The following ACAD11 variants were observed in gnomAD, a reference collection of about 807,000 sequenced individuals.
ACAD11 encodes the protein acyl-Coenzyme A dehydrogenase family, member 11.
Under a neutral mutation model 102.2 loss-of-function variants are expected in ACAD11, and 83 were observed. The ratio of observed to expected loss-of-function variants is 0.81; its 90% CI spans 0.68 to 0.97. The LOEUF (loss-of-function observed/expected upper bound fraction) is 0.97. ACAD11 is among the 50% of genes least tolerant of loss of function. The pLI is 0.00. For synonymous variants in ACAD11, 324 were observed against 319.8 expected, an observed-to-expected ratio of 1.01 and a Z score of -0.14; for missense variants, 901 against 951.7, an observed-to-expected ratio of 0.95 and a Z score of 0.70.
At chr3:132,633,728 A>C (rs1030014981) in intron 5 of ACAD11, among the ~76,000 whole-genome samples, 2 of 152,184 alleles carry the variant, frequency 1.3e-5, no homozygotes, top group African/African-American at 4.8e-5. Context: ...AATGGAACAG[A>C]ACAGAGCCCT....
intron 4 of ACAD11, among the ~76,000 whole-genome samples, chr3:132,641,095 C>T (rs964651285): frequency 2.0e-5 from 3 of 152,084 alleles, no homozygotes; most frequent in African/African-American, 7.2e-5. Context: ...TTTCAGGTTT[C>T]GTGAATGACA....
intron 17 of ACAD11, among the ~76,000 whole-genome samples, chr3:132,571,088 T>C (rs1441441572): frequency 6.6e-6 from 1 of 152,200 alleles, no homozygotes; most frequent in Admixed American, 6.5e-5. Context: ...ATCCTCACAC[T>C]GTTTTCCACA....
chr3:132,582,439 G>A (rs1010252120), intron 13 of ACAD11, among the ~76,000 whole-genome samples: 1 of 151,808 alleles, frequency 6.6e-6, no homozygotes, highest in African/African-American at 2.4e-5. Context: ...ACTTCTAACT[G>A]GGTAATAATG....
intron 12 of ACAD11, among the ~76,000 whole-genome samples, chr3:132,603,706 A>G (rs765499824): frequency 6.6e-6 from 1 of 152,238 alleles, no homozygotes; most frequent in Non-Finnish European, 1.5e-5. Context: ...CCCCCCATAT[A>G]GTTTACTGTC....
Position 132,639,554 on chromosome 3 carries a change from T to C in ACAD11, c.640A>G (p.Asn214Asp). 1 of 1,614,042 alleles carries C rather than the reference T, an allele frequency of 6.2e-7. No individual in the cohort carries two copies. Among genetic ancestry groups the C allele is most frequent in the Non-Finnish European group, 8.5e-7 (1 of 1,179,970 alleles). Reference protein sequence around the residue: ...WLMKNLPDNDNEENLIHGDFR... With the variant: ...WLMKNLPDNDDEENLIHGDFR... ...TCTCCATGAATCAAATTCTCTTCAT[T>C]GTCATTATCGGGCAAGTTCTTCATT... Residue 214 changes from asparagine to aspartate, a missense_variant, in exon 5 of 20, where the codon AAT becomes GAT. Transcript: ENST00000264990.
Position 132,642,736 on chromosome 3 carries a change from G to C in ACAD11, c.316C>G (p.Leu106Val), listed in dbSNP as rs762680473. The C allele has an allele frequency of 6.8e-6, 11 of 1,613,364 alleles. No individual in the cohort carries two copies. Among genetic ancestry groups the C allele is most frequent in the African/African-American group, 5.3e-5 (4 of 74,912 alleles). The change falls in exon 3 of 20, where the codon CTG (leucine) becomes GTG (valine). Residue 106 changes from leucine to valine, a missense_variant. Leu to Val is a conservative substitution (Grantham distance 32). Coordinates refer to ENST00000264990, the MANE Select transcript of ACAD11 (RefSeq NM_032169.5). ...SIGFPVPKPILYCSDTSVIGT... is the reference protein window; with the variant it reads ...SIGFPVPKPIVYCSDTSVIGT... ...ATGACAGAAGTATCACTGCAGTACA[G>C]TATAGGCTTGGGAACGGGGAATCCA...
chr3:132,647,829 C>A (rs1250581119), intron 1 of ACAD11, among the ~76,000 whole-genome samples: 2 of 152,054 alleles, frequency 1.3e-5, no homozygotes, highest in Non-Finnish European at 2.9e-5. Context: ...TTTTTGGGGC[C>A]TGGGAAGTCA....
At chr3:132,631,710 A>T (rs529153557) in intron 5 of ACAD11, among the ~76,000 whole-genome samples, 1 of 152,312 alleles carries the variant, frequency 6.6e-6, no homozygotes, top group African/African-American at 2.4e-5. Flanking sequence ...TTTACTTTAC[A>T]CAGCCTTAAT....
chr3:132,580,093 G>A (rs556788221), intron 13 of ACAD11, among the ~76,000 whole-genome samples: 44 of 152,132 alleles, frequency 2.9e-4, no homozygotes, highest in African/African-American at 1.0e-3. Flanking sequence ...AGTAAGTCTA[G>A]TCCCTTGGGA....
At chr3:132,590,645 T>C (rs111974254) in intron 13 of ACAD11, among the ~76,000 whole-genome samples, 5,840 of 152,288 alleles carry the variant, frequency 0.038, 162 homozygotes, top group Middle Eastern at 0.078. Context: ...AGTGTTCCTT[T>C]TTTTCTACAA....
intron 13 of ACAD11, among the ~76,000 whole-genome samples, chr3:132,581,738 G>C (rs919504093): frequency 6.6e-6 from 1 of 151,964 alleles, no homozygotes; most frequent in Admixed American, 6.6e-5. Context: ...TATGAGAAAA[G>C]CATTCTAATT....
At chr3:132,645,792 C>G (rs1308326177) in intron 1 of ACAD11, 1 of 152,160 alleles carries the variant, frequency 6.6e-6, no homozygotes, top group Non-Finnish European at 1.5e-5. Context: ...TAAATCAGAC[C>G]CATCCTCCCT....
At chr3:132,650,720 T>C (rs939129483) in intron 1 of ACAD11, among the ~76,000 whole-genome samples, 7 of 152,172 alleles carry the variant, frequency 4.6e-5, no homozygotes, top group Non-Finnish European at 8.8e-5. Flanking sequence ...AGACTGTCCC[T>C]CCCCAGCCCC....
chr3:132,615,606 C>A (rs1341480935), intron 11 of ACAD11, among the ~76,000 whole-genome samples: 1 of 152,150 alleles, frequency 6.6e-6, no homozygotes, highest in Non-Finnish European at 1.5e-5. Context: ...TATTCTCACT[C>A]ATAAGTAGGA....
At chr3:132,595,351 T>A (rs1938255312) in intron 13 of ACAD11, among the ~76,000 whole-genome samples, 1 of 152,068 alleles carries the variant, frequency 6.6e-6, no homozygotes, top group South Asian at 2.1e-4. Context: ...TGAAATGAGG[T>A]CAGAGAGACA....
intron 1 of ACAD11, chr3:132,646,344 C>T (rs2107892620): frequency 6.6e-6 from 1 of 152,316 alleles, no homozygotes; most frequent in East Asian, 1.9e-4. Context: ...TGTGATCCGC[C>T]TGCCTGGGCC....
chr3:132,644,172 G>A (rs551961814), intron 2 of ACAD11, among the ~76,000 whole-genome samples: 29 of 152,234 alleles, frequency 1.9e-4, no homozygotes, highest in African/African-American at 6.5e-4. Flanking sequence ...AGCACCTGCT[G>A]TACATGATTA....
At chr3:132,587,019 G>A (rs1004415029) in intron 13 of ACAD11, among the ~76,000 whole-genome samples, 7 of 152,152 alleles carry the variant, frequency 4.6e-5, no homozygotes, top group Non-Finnish European at 8.8e-5. Flanking sequence ...GCCTGAACCC[G>A]GGAGGCAGAG....
Position 132,630,564 on chromosome 3 carries a change from A to C in ACAD11, c.842-6T>G, listed in dbSNP as rs1223383254. 1 of 1,600,380 alleles carries C rather than the reference A, an allele frequency of 6.2e-7. No individual in the cohort carries two copies. Among genetic ancestry groups the C allele is most frequent in the South Asian group, 1.1e-5 (1 of 88,340 alleles). On this transcript the variant is annotated splice_region_variant and splice_polypyrimidine_tract_variant and intron_variant, in intron 6 of 19. Coordinates refer to ENST00000264990, the MANE Select transcript of ACAD11 (RefSeq NM_032169.5). ...TTCTTCCATTGATGGTATCCCTATA[A>C]AAACAGCATGTAATATAAACTTTAA...
Sources: gnomAD v4.1 joint callset for allele counts (sites outside exome capture counted in the v4.1 genomes callset) on GRCh38, gnomAD v4.1.1 for gene constraint, MANE v1.5 for transcripts, NCBI Gene and HGNC (gene_info 2026-07-23, HGNC 2026-07-21) for gene names.